The following OAT variants were observed in gnomAD, a reference collection of about 807,000 sequenced individuals.
OAT encodes ornithine aminotransferase.
In OAT, 35 loss-of-function variants were observed where a neutral mutation model predicts 48.4. The observed-to-expected ratio is 0.72, with a 90% CI of 0.55 to 0.96. OAT has a LOEUF of 0.96. Ranked by LOEUF, OAT falls within the 40% of genes least tolerant of loss-of-function variation. OAT has a pLI of 0.00. For synonymous variants in OAT, 182 were observed against 198.4 expected (o/e 0.92, Z 0.70); for missense variants, 438 against 537.9 (o/e 0.81, Z 1.84).
At position 124,403,196 on chromosome 10, in the gene OAT, G is replaced by A. The variant is rs11244715; in HGVS notation, c.772-141C>T. On this transcript the variant is annotated intron_variant, in intron 6 of 9. Coordinates refer to ENST00000368845, the MANE Select transcript of OAT (RefSeq NM_000274.4). ...TCAAATTTGTAAAAATGTTTTAACTGCACACAATTTCAAGAGTATCCTATA... is the reference window on the plus strand; with the variant it reads ...TCAAATTTGTAAAAATGTTTTAACTACACACAATTTCAAGAGTATCCTATA... 0.085 allele frequency: 75,373 copies of A among 882,728 alleles called. 3,867 individuals are homozygous for A. The highest frequency in any genetic ancestry group is 0.14 in the African/African-American group (8,705 of 60,128). The allele number at this position is 882,728 out of a possible 1,614,324, so 54.7% of individuals were successfully genotyped here. A position where few individuals can be genotyped will look rare whatever the true frequency, so the allele number is the denominator to read the frequency against.
chr10:124,398,454 C>T (rs549677920), intron 9 of OAT, among the ~76,000 whole-genome samples: 7 of 151,506 alleles, frequency 4.6e-5, no homozygotes, highest in South Asian at 4.2e-4. Flanking sequence ...CTGCAGTGAG[C>T]GGAGATCGCG....
intron 1 of OAT, among the ~76,000 whole-genome samples, chr10:124,417,178 TTTTAAAAATGTTTACTA>T (rs1197038351): frequency 1.3e-5 from 2 of 151,872 alleles, no homozygotes; most frequent in Admixed American, 6.6e-5. Flanking sequence ...GAAAAATGTC[TTTTAAAAATGTTTACTA>T]TTTAAAGTTA....
At position 124,411,988 on chromosome 10, in the gene OAT, G is replaced by A. The variant is rs776832915; in HGVS notation, c.184C>T (p.Leu62=). 1.5e-5 allele frequency: 24 copies of A among 1,613,956 alleles called. No individual in the cohort carries two copies. In the South Asian group the frequency reaches 1.8e-4, roughly 12 times the overall value. ...AHNYHPLPVA[L]ERGKGIYLWD... The stretch of plus-strand genomic sequence containing the variant: ...TGAAACGTACCTTTTCCTCTCTCCA[G>A]GGCTACAGGTAAAGGATGGTAGTTG... Residue 62 remains leucine, a synonymous_variant, in exon 2 of 10, where the codon CTG becomes TTG. Coordinates refer to ENST00000368845, the MANE Select transcript of OAT (RefSeq NM_000274.4).
At chr10:124,405,050 A>T (rs1951532892) in intron 5 of OAT, among the ~76,000 whole-genome samples, 1 of 152,224 alleles carries the variant, frequency 6.6e-6, no homozygotes, top group African/African-American at 2.4e-5. Flanking sequence ...TCTCAAAAAA[A>T]GAAATTAATT....
At chr10:124,418,037 C>G (rs1951973438) in intron 1 of OAT, 1 of 152,180 alleles carries the variant, frequency 6.6e-6, no homozygotes, top group South Asian at 2.1e-4. Flanking sequence ...GGAAGGCGAT[C>G]GAGGAAACGC....
chr10:124,408,661 G>A (rs1951669807), intron 3 of OAT, 24 bp from the exon 4 acceptor site: 1 of 1,598,046 alleles, frequency 6.3e-7, no homozygotes, highest in African/African-American at 1.3e-5. Context: ...AAAATGTTCA[G>A]ATTTTTTTAA....
chr10:124,398,067 C>G lies in OAT; in HGVS notation c.1195G>C (p.Asp399His). ...DAWKVCLRLR[D>H]NGLLAKPTHG... ...GTTGGCTTGGCCAGAAGTCCATTAT[C>G]TCGAAGTCGTAGACACACCTTCCAA... The change falls in exon 10 of 10, where the codon GAT becomes CAT. Residue 399 changes from aspartate to histidine, a missense_variant. Physicochemically the swap from Asp to His is moderately conservative, Grantham distance 81 (BLOSUM62 -1). Coordinates refer to ENST00000368845, the MANE Select transcript of OAT (RefSeq NM_000274.4). 1.9e-6 allele frequency: 3 copies of G among 1,614,132 alleles called. No individual in the cohort carries two copies. The highest frequency in any genetic ancestry group is 2.5e-6 in the Non-Finnish European group (3 of 1,180,010).
chr10:124,408,974 C>A lies in OAT; in HGVS notation c.200-9G>T. The A allele has an allele frequency of 6.3e-7, 1 of 1,598,344 alleles. No individual in the cohort carries two copies. Among genetic ancestry groups the A allele is most frequent in the South Asian group, 1.1e-5 (1 of 90,598 alleles). On this transcript the variant is annotated splice_polypyrimidine_tract_variant and intron_variant, in intron 2 of 9. Coordinates refer to ENST00000368845, the MANE Select transcript of OAT (RefSeq NM_000274.4). The stretch of plus-strand genomic sequence containing the variant: ...ATCCCATAAGTAAATACCTAAAATA[C>A]ATAAGAAAGGAAAATAATTTTAGAC...
At chr10:124,405,639 CAAG>C (rs1695137797) in intron 4 of OAT, 76 bp from the exon 5 acceptor site, 1 of 1,589,640 alleles carries the variant, frequency 6.3e-7, no homozygotes, top group Non-Finnish European at 8.6e-7. Context: ...CAAAACACCA[CAAG>C]AAGTTTGACT....
chr10:124,410,935 T>G (rs1029273183), intron 2 of OAT, among the ~76,000 whole-genome samples: 24 of 150,314 alleles, frequency 1.6e-4, no homozygotes, highest in African/African-American at 5.9e-4. Context: ...AGGTCAGGAG[T>G]TCGAGACCAG....
At chr10:124,402,854 G>T in intron 7 of OAT, 73 bp downstream of exon 7, 7 of 1,571,780 alleles carry the variant, frequency 4.5e-6, no homozygotes, top group Non-Finnish European at 6.1e-6. Flanking sequence ...GTCACAATCA[G>T]TTGATGTATA....
intron 1 of OAT, among the ~76,000 whole-genome samples, chr10:124,417,284 T>G (rs913375549): frequency 1.0e-5 from 1 of 98,010 alleles, no homozygotes; most frequent in East Asian, 2.8e-4. Context: ...AACTATAAGC[T>G]TTTTTTTTTT....
At chr10:124,400,756 T>C in intron 9 of OAT, 84 bp downstream of exon 9, 2 of 1,154,512 alleles carry the variant, frequency 1.7e-6, no homozygotes, top group Admixed American at 4.5e-5. Context: ...TCTCGAAAAA[T>C]AAATAAATTA....
At chr10:124,402,597 TG>T (rs1951442839) in intron 7 of OAT, among the ~76,000 whole-genome samples, 2 of 152,324 alleles carry the variant, frequency 1.3e-5, no homozygotes, top group South Asian at 4.1e-4. Context: ...TCACCAGTCA[TG>T]GTTTTAAACA....
At chr10:124,398,216 T>A (rs1951292344) in intron 9 of OAT, 114 bp from the exon 10 acceptor site, 3 of 1,202,258 alleles carry the variant, frequency 2.5e-6, no homozygotes, top group Non-Finnish European at 3.6e-6. Context: ...CTTGCTCAAC[T>A]AAGGGAAGCT....
chr10:124,402,462 G>A (rs1951439770), intron 7 of OAT, among the ~76,000 whole-genome samples: 1 of 152,196 alleles, frequency 6.6e-6, no homozygotes, highest in Non-Finnish European at 1.5e-5. Flanking sequence ...TTTAGCAAAA[G>A]TTTTGTCTAT....
In OAT at chr10:124,398,239, G is replaced by A. The variant is rs182749140; in HGVS notation, c.1160-137C>T. ...ACTAAGGGAAGCTTGGGCTGGGAGCGGTGGCTTATGCCTGTAATCCCAGCA... is the reference window on the plus strand; with the variant it reads ...ACTAAGGGAAGCTTGGGCTGGGAGCAGTGGCTTATGCCTGTAATCCCAGCA... On this transcript the variant is annotated intron_variant, in intron 9 of 9. Coordinates refer to ENST00000368845, the MANE Select transcript of OAT (RefSeq NM_000274.4). The A allele has an allele frequency of 9.2e-5, 87 of 947,240 alleles. No individual in the cohort carries two copies. In the African/African-American group the frequency reaches 9.8e-4, roughly 11 times the overall value. 58.7% of individuals were successfully genotyped at this position (947,240 alleles called of 1,614,324 possible). A position where few individuals can be genotyped will look rare whatever the true frequency, so the allele number is the denominator to read the frequency against.
At chr10:124,398,318 G>A (rs867955212) in intron 9 of OAT, among the ~76,000 whole-genome samples, 15 of 151,948 alleles carry the variant, frequency 9.9e-5, no homozygotes, top group African/African-American at 3.6e-4. Flanking sequence ...AAACCATCCT[G>A]GCCAACATTA....
intron 1 of OAT, 62 bp from the exon 2 acceptor site, chr10:124,412,262 G>T: frequency 7.5e-7 from 1 of 1,341,580 alleles, no homozygotes; most frequent in Non-Finnish European, 1.0e-6. Flanking sequence ...TATAATCTCA[G>T]CACTTTGGGA....
Sources: gnomAD v4.1 joint callset for allele counts (sites outside exome capture counted in the v4.1 genomes callset) on GRCh38, gnomAD v4.1.1 for gene constraint, MANE v1.5 for transcripts, NCBI Gene and HGNC (gene_info 2026-07-23, HGNC 2026-07-21) for gene names.